GRIA4: variants seen among roughly 807,000 people sequenced by gnomAD.
The protein encoded by GRIA4 is glutamate ionotropic receptor AMPA type subunit 4, also known as glutamate receptor 4.
A neutral mutation model predicts 104.0 loss-of-function variants in GRIA4; 34 were observed. The observed-to-expected ratio is 0.33, with a 90% CI of 0.25 to 0.44. GRIA4 has a LOEUF of 0.44. Among genes scored for constraint, GRIA4 ranks in the 20% least tolerant of loss-of-function variants. The probability of loss-of-function intolerance (pLI) is 1.00; values close to 1 mark genes in which losing one functional copy is unlikely to be tolerated. For synonymous variants in GRIA4, 386 were observed against 381.9 expected, an observed-to-expected ratio of 1.01 and a Z score of -0.13; for missense variants, 750 against 1,096.5, an observed-to-expected ratio of 0.68 and a Z score of 4.46.
At chr11:105,655,794 C>T (rs886836606) in intron 3 of GRIA4, among the ~76,000 whole-genome samples, 5 of 152,068 alleles carry the variant, frequency 3.3e-5, no homozygotes, top group African/African-American at 7.2e-5. Flanking sequence ...AATAAACATA[C>T]GTGTGCATGT....
chr11:105,612,216 G>T, intron 2 of GRIA4, 60 bp from the exon 3 acceptor site: 2 of 1,490,940 alleles, frequency 1.3e-6, no homozygotes, highest in Non-Finnish European at 1.9e-6. Context: ...CTGTGCTTGG[G>T]GTGGGTATAA....
At chr11:105,966,139 G>A in intron 14 of GRIA4, 1 of 1,008,684 alleles carries the variant, frequency 9.9e-7, no homozygotes, top group Non-Finnish European at 1.6e-6. Flanking sequence ...TTATGGTTTG[G>A]ACCTCCTAAT....
intron 4 of GRIA4, among the ~76,000 whole-genome samples, chr11:105,835,161 T>C (rs1286844804): frequency 2.0e-5 from 3 of 151,892 alleles, no homozygotes; most frequent in Non-Finnish European, 2.9e-5. Flanking sequence ...ACTATTAAAT[T>C]TTATACTTAA....
intron 4 of GRIA4, among the ~76,000 whole-genome samples, chr11:105,838,751 C>A (rs578222818): frequency 6.6e-6 from 1 of 152,112 alleles, no homozygotes; most frequent in Admixed American, 6.5e-5. Flanking sequence ...AGAGCTGACA[C>A]CCATTTGACT....
At chr11:105,855,059 T>C (rs1944961422) in intron 4 of GRIA4, among the ~76,000 whole-genome samples, 1 of 152,202 alleles carries the variant, frequency 6.6e-6, no homozygotes, top group African/African-American at 2.4e-5. Flanking sequence ...TAACTATCAA[T>C]GATTAATAAT....
intron 6 of GRIA4, among the ~76,000 whole-genome samples, chr11:105,894,700 A>G (rs1244206867): frequency 6.6e-6 from 1 of 152,030 alleles, no homozygotes; most frequent in Non-Finnish European, 1.5e-5. Context: ...TAATCTGAAG[A>G]TCCCAAAACC....
chr11:105,947,782 G>A (rs1453555983), intron 14 of GRIA4, among the ~76,000 whole-genome samples: 1 of 152,190 alleles, frequency 6.6e-6, no homozygotes, highest in Non-Finnish European at 1.5e-5. Flanking sequence ...AAATGTAGGT[G>A]AGACTATTTT....
Position 105,794,512 on chromosome 11 carries a change from T to TATATATAC in GRIA4, c.487+41293_487+41294insTATATACA, listed in dbSNP as rs1313325715. On this transcript the variant is annotated intron_variant, in intron 4 of 16. Transcript: ENST00000282499. ...ATATATATATATATATATATATATA[T>TATATATAC]ACATATACACACACACACATATCTG... 3.9e-3 allele frequency among the ~76,000 whole-genome samples: 414 copies of TATATATAC among 106,778 alleles called. 14 individuals are homozygous for TATATATAC. The highest frequency in any genetic ancestry group is 0.011 in the African/African-American group (287 of 26,090). The allele number at this position is 106,778 out of a possible 152,430, so 70.1% of individuals were successfully genotyped here. A position where few individuals can be genotyped will look rare whatever the true frequency, so the allele number is the denominator to read the frequency against.
intron 14 of GRIA4, among the ~76,000 whole-genome samples, chr11:105,971,035 T>A (rs1858662886): frequency 6.6e-6 from 1 of 151,998 alleles, no homozygotes. Context: ...ATAAATAGAG[T>A]CTTCTTATAA....
intron 3 of GRIA4, among the ~76,000 whole-genome samples, chr11:105,727,669 G>T (rs932572644): frequency 6.6e-6 from 1 of 152,164 alleles, no homozygotes; most frequent in Non-Finnish European, 1.5e-5. Context: ...CAGACTAACA[G>T]CAGATCTCTA....
chr11:105,976,012 G>A (rs1330042477), intron 16 of GRIA4, among the ~76,000 whole-genome samples: 1 of 152,016 alleles, frequency 6.6e-6, no homozygotes, highest in African/African-American at 2.4e-5. Flanking sequence ...ACTACAAAGT[G>A]GGATAATATC....
chr11:105,654,517 T>G (rs1951785970), intron 3 of GRIA4, among the ~76,000 whole-genome samples: 1 of 152,078 alleles, frequency 6.6e-6, no homozygotes, highest in African/African-American at 2.4e-5. Flanking sequence ...CATTTTGAAC[T>G]GCACACACAC....
At position 105,710,290 on chromosome 11, in the gene GRIA4, C is replaced by T. The variant is rs1953864976; in HGVS notation, c.248-42691C>T. On this transcript the variant is annotated intron_variant, in intron 3 of 16. Transcript: ENST00000282499. The stretch of plus-strand genomic sequence containing the variant: ...TCTGTAGTAAAAAGAAACACCTTTT[C>T]CTACTTCATAGGCTATCTCTTTGTA... Among the ~76,000 whole-genome samples the T allele has an allele frequency of 3.3e-5, 5 of 152,120 alleles. No homozygotes were observed. The South Asian group carries it at 1.0e-3, about 32-fold the overall frequency.
chr11:105,875,048 G>A (rs1180423343), intron 5 of GRIA4, among the ~76,000 whole-genome samples: 5 of 152,254 alleles, frequency 3.3e-5, no homozygotes, highest in East Asian at 1.9e-4. Flanking sequence ...TCGCCTGTGC[G>A]TTTGTCATGA....
chr11:105,618,845 G>A (rs1362446555), intron 3 of GRIA4, among the ~76,000 whole-genome samples: 1 of 151,828 alleles, frequency 6.6e-6, no homozygotes, highest in African/African-American at 2.4e-5. Context: ...GAGGGGAAGA[G>A]AGAGGAAACA....
In GRIA4 at chr11:105,926,856, A is replaced by G. The variant is rs1402927334; in HGVS notation, c.1963A>G (p.Ile655Val). 1 of 1,611,718 alleles carries G rather than the reference A, an allele frequency of 6.2e-7. No homozygotes were observed. Among genetic ancestry groups the G allele is most frequent in the African/African-American group, 1.3e-5 (1 of 74,832 alleles). ...FLTVERMVSPIESAEDLAKQT... is the reference protein window; with the variant it reads ...FLTVERMVSPVESAEDLAKQT... ...GACGGTTGAGCGAATGGTCTCTCCC[A>G]TAGAAAGTGCAGAAGACCTGGCCAA... Residue 655 changes from isoleucine to valine, a missense_variant, in exon 13 of 17, where the codon ATA (isoleucine) becomes GTA (valine). Coordinates refer to ENST00000282499, the MANE Select transcript of GRIA4 (RefSeq NM_000829.4).
At chr11:105,946,991 A>G (rs958763367) in intron 14 of GRIA4, among the ~76,000 whole-genome samples, 4 of 152,228 alleles carry the variant, frequency 2.6e-5, no homozygotes, top group Non-Finnish European at 5.9e-5. Flanking sequence ...ATGAAAGAAA[A>G]TCCTTTCCAA....
chr11:105,911,999 C>A, intron 10 of GRIA4: 2 of 1,334,586 alleles, frequency 1.5e-6, no homozygotes, highest in East Asian at 3.1e-5. Flanking sequence ...GCTTATTTTT[C>A]ATGTGGGATT....
chr11:105,711,224 A>T (rs998154741), intron 3 of GRIA4, among the ~76,000 whole-genome samples: 5 of 152,016 alleles, frequency 3.3e-5, no homozygotes, highest in African/African-American at 1.2e-4. Context: ...TTCCTGGTGT[A>T]TGATGTTCCC....
Sources: allele counts gnomAD v4.1 joint callset (sites outside exome capture counted in the v4.1 genomes callset), GRCh38; gene constraint gnomAD v4.1.1; transcripts MANE v1.5; gene names NCBI Gene and HGNC (gene_info 2026-07-23, HGNC 2026-07-21).